Variants in NRAP observed in about 807,000 individuals in gnomAD.
NRAP encodes the protein nebulin-related-anchoring protein.
Under a neutral mutation model 225.9 loss-of-function variants are expected in NRAP, and 189 were observed. The ratio of observed to expected loss-of-function variants is 0.84; its 90% confidence interval spans 0.74 to 0.94. The LOEUF (loss-of-function observed/expected upper bound fraction) is 0.94, where lower values mean the gene tolerates loss of function less well. Ranked by LOEUF, NRAP falls within the 40% of genes least tolerant of loss-of-function variation. The pLI is 0.00. For missense variants in NRAP, 2,176 were observed against 2,168.7 expected (o/e 1.00, Z -0.07); for synonymous variants, 769 against 790.7 (o/e 0.97, Z 0.46).
In NRAP at chr10:113,590,607, C is replaced by A. The variant is rs11575797; in HGVS notation, c.4927G>T (p.Ala1643Ser). 3,212 of 1,612,996 alleles carry A rather than the reference C, an allele frequency of 2.0e-3. 60 individuals carry two copies. The African/African-American group carries it at 0.036, about 18-fold the overall frequency. Residue 1643 changes from alanine (A) to serine (S), a missense_variant, in exon 40 of 42, where the codon GCT becomes TCT. Physicochemically the swap from Ala to Ser is moderately conservative, Grantham distance 99. Around this residue, in one of 3 missense-constraint regions of NRAP, gnomAD observed 445 missense variants for 426.1 expected, o/e 1.04. Coordinates refer to ENST00000359988, the MANE Select transcript of NRAP (RefSeq NM_198060.4). Reference sequence around the variant, plus strand: ...CTCTGCAGCTGGTGGGCCTTCTGAGCATGCCTGAGGCCCAGCTGCTCCGGG... The same window carrying A: ...CTCTGCAGCTGGTGGGCCTTCTGAGAATGCCTGAGGCCCAGCTGCTCCGGG... ...CDPEQLGLRHAQKAHQLQSDV... is the reference protein window; with the variant it reads ...CDPEQLGLRHSQKAHQLQSDV...
chr10:113,634,373 G>C (rs1848744304), intron 14 of NRAP, among the ~76,000 whole-genome samples, 163 bp from the exon 15 acceptor site: 1 of 152,140 alleles, frequency 6.6e-6, no homozygotes, highest in African/African-American at 2.4e-5. Flanking sequence ...CCCATAGATA[G>C]AAAAACAGTA....
chr10:113,629,806 G>A, intron 18 of NRAP, 21 bp from the exon 19 acceptor site: 1 of 1,564,712 alleles, frequency 6.4e-7, no homozygotes, highest in East Asian at 2.2e-5. Flanking sequence ...CCAAAACAAG[G>A]CCCGTTTTGT....
At chr10:113,660,744 A>C (rs1324190087) in intron 3 of NRAP, among the ~76,000 whole-genome samples, 1 of 152,228 alleles carries the variant, frequency 6.6e-6, no homozygotes, top group African/African-American at 2.4e-5. Flanking sequence ...TCCTCGCTAC[A>C]CAACTGCAGA....
In NRAP at chr10:113,641,040, T is replaced by G. The variant is rs573173415; in HGVS notation, c.1323+325A>C. On this transcript the variant is annotated intron_variant, in intron 13 of 41. Coordinates refer to ENST00000359988, the MANE Select transcript of NRAP (RefSeq NM_198060.4). ...AAAAGCTTTGGAACCCTGGGGAATT[T>G]GGAATAAGAATCATAATTATTCATT... Among the ~76,000 whole-genome samples the G allele has an allele frequency of 2.0e-5, 3 of 152,320 alleles. No individual in the cohort carries two copies. In the South Asian group the frequency reaches 6.2e-4, roughly 32 times the overall value.
At position 113,612,436 on chromosome 10, in the gene NRAP, A is replaced by AG. The variant is rs1847389219; in HGVS notation, c.3301-6dup. The AG allele has an allele frequency of 1.2e-6, 2 of 1,612,606 alleles. No homozygotes were observed. Among genetic ancestry groups the AG allele is most frequent in the Non-Finnish European group, 8.5e-7 (1 of 1,178,976 alleles). Reference sequence around the variant, plus strand: ...AAAGCCTTTCTTGTAATTCACCTAGAGGGGCAGACAGAGCAACAGCAGCTA... The same window carrying AG: ...AAAGCCTTTCTTGTAATTCACCTAGAGGGGGCAGACAGAGCAACAGCAGCTA... On this transcript the variant is annotated splice_region_variant and splice_polypyrimidine_tract_variant and intron_variant, in intron 29 of 41. Transcript: ENST00000359988.
intron 15 of NRAP, 69 bp downstream of exon 15, chr10:113,634,043 G>C (rs933811322): frequency 3.2e-6 from 3 of 945,950 alleles, no homozygotes; most frequent in Non-Finnish European, 5.2e-6. Flanking sequence ...TTGGAGGTCA[G>C]ATGTCCAGAG....
chr10:113,656,501 T>C (rs943743819), intron 4 of NRAP, among the ~76,000 whole-genome samples: 5 of 152,214 alleles, frequency 3.3e-5, no homozygotes, highest in Admixed American at 2.6e-4. Flanking sequence ...ATAAACTTTC[T>C]AAATGGATTG....
chr10:113,632,142 C>A (rs1848615907), intron 16 of NRAP, among the ~76,000 whole-genome samples, 178 bp from the exon 17 acceptor site: 1 of 152,176 alleles, frequency 6.6e-6, no homozygotes. Flanking sequence ...CGCTGTAGAG[C>A]TGTGCAGGCC....
At chr10:113,616,400 A>G (rs1847666190) in intron 26 of NRAP, among the ~76,000 whole-genome samples, 1 of 152,184 alleles carries the variant, frequency 6.6e-6, no homozygotes, top group Non-Finnish European at 1.5e-5. Flanking sequence ...TTCCATCCCA[A>G]ATCTTATCAG....
rs569220293 is a variant in NRAP, at chr10:113,601,148, G to A, written c.4228-3075C>T. 5.5e-4 allele frequency among the ~76,000 whole-genome samples: 84 copies of A among 152,330 alleles called. 2 individuals carry two copies. Among genetic ancestry groups the A allele is most frequent in the Admixed American group, 1.2e-3 (18 of 15,310 alleles). ...GATGCAGCTTGCCTGGACCAGGCAT[G>A]CATCTCAGGTGAATTTCTGAGTCAA... On this transcript the variant is annotated intron_variant, in intron 35 of 41. Coordinates refer to ENST00000359988, the MANE Select transcript of NRAP (RefSeq NM_198060.4).
intron 26 of NRAP, among the ~76,000 whole-genome samples, chr10:113,617,190 G>A (rs533253356): frequency 3.1e-4 from 47 of 152,244 alleles, no homozygotes; most frequent in African/African-American, 1.1e-3. Flanking sequence ...CGAATGAATC[G>A]GTGAGACATG....
chr10:113,615,160 G>T (rs891353491), intron 27 of NRAP, among the ~76,000 whole-genome samples: 2 of 152,064 alleles, frequency 1.3e-5, no homozygotes, highest in Non-Finnish European at 2.9e-5. Context: ...GGGTTGGGGG[G>T]GATGGGTTGA....
In NRAP at chr10:113,588,798, C is replaced by T; in HGVS notation, c.*177G>A. 1 of 611,728 alleles carries T rather than the reference C, an allele frequency of 1.6e-6. No homozygotes were observed. Among genetic ancestry groups the T allele is most frequent in the Non-Finnish European group, 2.9e-6 (1 of 344,084 alleles). 37.9% of individuals were successfully genotyped at this position (611,728 alleles called of 1,614,324 possible). On this transcript the variant is annotated 3_prime_UTR_variant, in exon 42 of 42. Transcript: ENST00000359988. The stretch of plus-strand genomic sequence containing the variant: ...GAATCAGCCATCCACGTCTAGGTAT[C>T]AGAGAGGACCACAAATACAACATTC...
chr10:113,606,222 G>A lies in NRAP; in HGVS notation c.3763C>T (p.Pro1255Ser), dbSNP rs562012801. ...TTCGTTTTTGCTCGGATGAACTCGG[G>A]CAGACCCAGGGTCATTGTATACTCG... ...RHEYTMTLGLPEFIRAKTNAA... is the reference protein window; with the variant it reads ...RHEYTMTLGLSEFIRAKTNAA... Residue 1255 changes from proline (P) to serine (S), a missense_variant, in exon 33 of 42, where the codon CCC (proline) becomes TCC (serine). This residue lies in a region of NRAP where 1,708 missense variants were observed against 1,695.5 expected (regional missense o/e 1.01). Transcript: ENST00000359988. 1 of 1,614,166 alleles carries A rather than the reference G, an allele frequency of 6.2e-7. No homozygotes were observed. The highest frequency in any genetic ancestry group is 1.3e-5 in the African/African-American group (1 of 75,044).
chr10:113,641,328 A>G (rs368743678), intron 13 of NRAP, 37 bp downstream of exon 13: 7 of 1,267,014 alleles, frequency 5.5e-6, no homozygotes, highest in Non-Finnish European at 6.9e-6. Context: ...GCCCTGCCCC[A>G]CTCCATCCCA....
intron 11 of NRAP, among the ~76,000 whole-genome samples, chr10:113,644,808 C>T (rs990855081): frequency 2.0e-4 from 30 of 152,182 alleles, no homozygotes; most frequent in Non-Finnish European, 3.5e-4. Flanking sequence ...TGGATATTTG[C>T]ATATCTGTTT....
intron 34 of NRAP, among the ~76,000 whole-genome samples, 154 bp from the exon 35 acceptor site, chr10:113,605,074 A>C (rs1846872325): frequency 2.0e-5 from 3 of 152,168 alleles, no homozygotes; most frequent in Admixed American, 2.0e-4. Flanking sequence ...GGGGATGAAC[A>C]ATTAAAACAT....
At chr10:113,605,488 C>T in intron 34 of NRAP, among the ~76,000 whole-genome samples, 1 of 152,182 alleles carries the variant, frequency 6.6e-6, no homozygotes, top group African/African-American at 2.4e-5. Context: ...GGCAGTCATG[C>T]ATTACAAGGG....
chr10:113,596,640 C>G (rs1300207234), intron 37 of NRAP, among the ~76,000 whole-genome samples: 1 of 152,176 alleles, frequency 6.6e-6, no homozygotes, highest in Non-Finnish European at 1.5e-5. Context: ...CCACTGCCAT[C>G]TATCAACAAG....
Sources: gnomAD v4.1 joint callset for allele counts (sites outside exome capture counted in the v4.1 genomes callset) on GRCh38, gnomAD v4.1.1 for gene constraint, gnomAD v4.1.1 regional missense constraint, MANE v1.5 for transcripts, NCBI Gene and HGNC (gene_info 2026-07-23, HGNC 2026-07-21) for gene names.